RABGAP1L: variants seen among roughly 807,000 people sequenced by gnomAD.
RABGAP1L encodes the protein rab GTPase-activating protein 1-like.
RABGAP1L carries 63 observed loss-of-function variants against 137.7 expected under a neutral mutation model. The observed-to-expected ratio is 0.46, with a 90% CI of 0.37 to 0.56. The LOEUF is 0.56. Among genes scored for constraint, RABGAP1L ranks in the 20% least tolerant of loss-of-function variants. The pLI, the probability that RABGAP1L is intolerant of heterozygous loss-of-function variation, is 0.00. For missense variants in RABGAP1L, 1,095 were observed against 1,244.0 expected (o/e 0.88, Z 1.80); for synonymous variants, 431 against 433.7 (o/e 0.99, Z 0.08).
chr1:174,912,412 G>T (rs1019971235), intron 19 of RABGAP1L, among the ~76,000 whole-genome samples: 40 of 152,212 alleles, frequency 2.6e-4, no homozygotes, highest in South Asian at 1.5e-3. Context: ...TAAAGTGCTG[G>T]GATTGCAGGC....
At chr1:174,201,556 C>T (rs1455426879) in intron 1 of RABGAP1L, among the ~76,000 whole-genome samples, 1 of 152,050 alleles carries the variant, frequency 6.6e-6, no homozygotes, top group Non-Finnish European at 1.5e-5. Context: ...TATGTAGATG[C>T]TACACAGTGT....
chr1:174,431,580 T>C (rs1034684419), intron 13 of RABGAP1L, among the ~76,000 whole-genome samples: 2 of 152,190 alleles, frequency 1.3e-5, no homozygotes, highest in African/African-American at 4.8e-5. Flanking sequence ...AAAATTCTTA[T>C]AAGCTTAGTT....
At chr1:174,512,927 A>G (rs1662487198) in intron 13 of RABGAP1L, among the ~76,000 whole-genome samples, 1 of 152,174 alleles carries the variant, frequency 6.6e-6, no homozygotes, top group Admixed American at 6.6e-5. Context: ...TATACATACA[A>G]ATTTTCTAGC....
intron 14 of RABGAP1L, among the ~76,000 whole-genome samples, chr1:174,680,598 A>G (rs974553019): frequency 2.0e-5 from 3 of 152,258 alleles, no homozygotes; most frequent in African/African-American, 7.2e-5. Context: ...GGAACCAACA[A>G]TAATGAGATG....
intron 13 of RABGAP1L, among the ~76,000 whole-genome samples, chr1:174,412,164 A>G (rs1218889030): frequency 6.6e-6 from 1 of 152,100 alleles, no homozygotes; most frequent in African/African-American, 2.4e-5. Context: ...GGGCGTGTAT[A>G]TATTTAAGAT....
At position 174,519,235 on chromosome 1, in the gene RABGAP1L, T is replaced by C. The variant is rs550190936; in HGVS notation, c.1711-118140T>C. ...ATATATATATACACACACACACACA[T>C]ATATATATATTTATGTATATGAGTT... On this transcript the variant is annotated intron_variant, in intron 13 of 25. Coordinates refer to ENST00000681986, the MANE Select transcript of RABGAP1L (RefSeq NM_001366446.1). Among the ~76,000 whole-genome samples the C allele has an allele frequency of 9.8e-4, 135 of 137,592 alleles. 1 individual carries two copies. The highest frequency in any genetic ancestry group is 1.7e-3 in the African/African-American group (66 of 38,618). The allele number at this position is 137,592 out of a possible 152,430, so 90.3% of individuals were successfully genotyped here.
At chr1:174,670,576 A>G (rs1677100725) in intron 14 of RABGAP1L, among the ~76,000 whole-genome samples, 1 of 152,088 alleles carries the variant, frequency 6.6e-6, no homozygotes, top group Non-Finnish European at 1.5e-5. Context: ...TCTGGTAACC[A>G]TCCTTCTATT....
chr1:174,850,693 A>G (rs141480560), intron 19 of RABGAP1L, among the ~76,000 whole-genome samples: 11 of 152,218 alleles, frequency 7.2e-5, no homozygotes, highest in African/African-American at 2.4e-4. Context: ...ATGATGCTCT[A>G]TTACTGATTC....
intron 17 of RABGAP1L, among the ~76,000 whole-genome samples, chr1:174,722,668 C>T (rs1189594644): frequency 1.3e-5 from 2 of 151,990 alleles, no homozygotes; most frequent in Non-Finnish European, 2.9e-5. Context: ...CCAGGCTGGT[C>T]GTGAGCTCCT....
chr1:174,611,500 G>C (rs1262084233), intron 13 of RABGAP1L, among the ~76,000 whole-genome samples: 2 of 149,584 alleles, frequency 1.3e-5, no homozygotes, highest in East Asian at 2.0e-4. Flanking sequence ...GATGCCTCCA[G>C]CTTTGTTCTT....
intron 13 of RABGAP1L, among the ~76,000 whole-genome samples, chr1:174,487,344 C>A (rs1659768758): frequency 6.6e-6 from 1 of 152,094 alleles, no homozygotes; most frequent in African/African-American, 2.4e-5. Context: ...TTGTTATATC[C>A]TTTTGCAGAA....
intron 19 of RABGAP1L, chr1:174,954,188 T>C (rs1323234054): frequency 6.6e-6 from 1 of 152,200 alleles, no homozygotes; most frequent in African/African-American, 2.4e-5. Context: ...ATATCAGCTC[T>C]CCTGTCTCTT....
At chr1:174,832,600 C>T (rs765664216) in intron 19 of RABGAP1L, among the ~76,000 whole-genome samples, 3 of 132,686 alleles carry the variant, frequency 2.3e-5, no homozygotes, top group African/African-American at 2.7e-5. Flanking sequence ...AGATCACAGA[C>T]CCAGTTCAGG....
chr1:174,357,598 T>A (rs1683745689), intron 11 of RABGAP1L, among the ~76,000 whole-genome samples: 1 of 152,110 alleles, frequency 6.6e-6, no homozygotes. Flanking sequence ...TCATTAAAGT[T>A]TTATATGTAT....
At chr1:174,905,306 T>TGAAAA (rs1376605654) in intron 19 of RABGAP1L, among the ~76,000 whole-genome samples, 1 of 152,218 alleles carries the variant, frequency 6.6e-6, no homozygotes, top group African/African-American at 2.4e-5. Context: ...AGTGATGATT[T>TGAAAA]GTAAGATCTG....
chr1:174,614,018 C>T (rs377038620), intron 13 of RABGAP1L, among the ~76,000 whole-genome samples: 5 of 152,128 alleles, frequency 3.3e-5, no homozygotes, highest in Non-Finnish European at 5.9e-5. Context: ...TCCAATTTGC[C>T]AGTCTGTGTC....
intron 1 of RABGAP1L, among the ~76,000 whole-genome samples, chr1:174,197,363 A>G (rs1667766886): frequency 6.6e-6 from 1 of 151,914 alleles, no homozygotes; most frequent in Admixed American, 6.6e-5. Flanking sequence ...GAACTCTTAT[A>G]AGTAGGTTTG....
rs377514050 is a variant in RABGAP1L, at chr1:174,434,108, T to C, written c.1710+39963T>C. 4.8e-3 allele frequency among the ~76,000 whole-genome samples: 638 copies of C among 134,108 alleles called. 5 individuals are homozygous for C. Among genetic ancestry groups the C allele is most frequent in the African/African-American group, 0.013 (477 of 37,392 alleles). 88.0% of individuals were successfully genotyped at this position (134,108 alleles called of 152,430 possible). On this transcript the variant is annotated intron_variant, in intron 13 of 25. Transcript: ENST00000681986. ...GCACATGAGCGCATGCGTGTACACA[T>C]ACACACACACACACACACACACACA...
chr1:174,171,998 C>CTAAATAAA (rs919681312), intron 1 of RABGAP1L, among the ~76,000 whole-genome samples: 2 of 151,758 alleles, frequency 1.3e-5, no homozygotes, highest in African/African-American at 4.8e-5. Context: ...GAGACTCCAT[C>CTAAATAAA]TAAATAAATA....
Sources: gnomAD v4.1 joint callset for allele counts (sites outside exome capture counted in the v4.1 genomes callset) on GRCh38, gnomAD v4.1.1 for gene constraint, MANE v1.5 for transcripts, NCBI Gene and HGNC (gene_info 2026-07-23, HGNC 2026-07-21) for gene names.